PSTPIP2: variants seen among roughly 807,000 people sequenced by gnomAD.
PSTPIP2 encodes the protein proline-serine-threonine phosphatase-interacting protein 2.
Under a neutral mutation model 63.3 loss-of-function variants are expected in PSTPIP2, and 33 were observed. The ratio of observed to expected loss-of-function variants is 0.52; its 90% CI spans 0.40 to 0.70. PSTPIP2 has a LOEUF of 0.70. Among genes scored for constraint, PSTPIP2 ranks in the 30% least tolerant of loss-of-function variants. PSTPIP2 has a pLI of 0.00. For synonymous variants in PSTPIP2, 125 were observed against 132.7 expected (o/e 0.94, Z 0.40); for missense variants, 312 against 400.7 (o/e 0.78, Z 1.89).
chr18:46,065,862 A>T (rs1273397125), intron 1 of PSTPIP2, among the ~76,000 whole-genome samples: 5 of 151,392 alleles, frequency 3.3e-5, no homozygotes, highest in Non-Finnish European at 7.4e-5. Flanking sequence ...TTGGCCTCCC[A>T]AAGTGCTGGG....
intron 13 of PSTPIP2, among the ~76,000 whole-genome samples, chr18:45,988,960 C>CTTTGCCCT (rs1430936525): frequency 6.6e-6 from 1 of 152,230 alleles, no homozygotes; most frequent in Admixed American, 6.5e-5. Flanking sequence ...ATTCTGACTT[C>CTTTGCCCT]TTTGCCCTTT....
rs1452932372 is a variant in PSTPIP2 at position 46,072,221 on chromosome 18, G to A, written c.-33C>T. Reference sequence around the variant, plus strand: ...CGAGTGGGGGCGCGGAGGAGAGCCGGGCCGCAGGTAGCACAGAGCGGGGAG... The same window carrying A: ...CGAGTGGGGGCGCGGAGGAGAGCCGAGCCGCAGGTAGCACAGAGCGGGGAG... On this transcript the variant is annotated 5_prime_UTR_variant, in exon 1 of 15. Coordinates refer to ENST00000409746, the MANE Select transcript of PSTPIP2 (RefSeq NM_024430.4). The A allele has an allele frequency of 1.3e-6, 2 of 1,530,554 alleles. No individual in the cohort carries two copies. The highest frequency in any genetic ancestry group is 1.8e-6 in the Non-Finnish European group (2 of 1,138,788). The allele number at this position is 1,530,554 out of a possible 1,614,324, so 94.8% of individuals were successfully genotyped here.
chr18:46,054,141 A>G (rs1158587563), intron 1 of PSTPIP2, among the ~76,000 whole-genome samples: 2 of 152,186 alleles, frequency 1.3e-5, no homozygotes, highest in Non-Finnish European at 2.9e-5. Flanking sequence ...TCAAACAGAA[A>G]TGGTATAGTA....
chr18:46,037,688 C>G (rs900023304), intron 2 of PSTPIP2, among the ~76,000 whole-genome samples: 6 of 152,184 alleles, frequency 3.9e-5, no homozygotes, highest in African/African-American at 1.4e-4. Flanking sequence ...CAGCAGCTTC[C>G]TTCCTGCAAG....
chr18:46,063,529 C>T (rs553730709), intron 1 of PSTPIP2, among the ~76,000 whole-genome samples: 1 of 152,146 alleles, frequency 6.6e-6, no homozygotes, highest in African/African-American at 2.4e-5. Flanking sequence ...GAATCAAACC[C>T]GGGAATGTCC....
intron 9 of PSTPIP2, among the ~76,000 whole-genome samples, chr18:45,997,283 G>C (rs892319357): frequency 1.3e-5 from 2 of 152,096 alleles, no homozygotes; most frequent in African/African-American, 4.8e-5. Flanking sequence ...CCGCCTCCCA[G>C]GTTCAAGCTA....
chr18:45,989,311 C>G (rs1439133505), intron 13 of PSTPIP2, among the ~76,000 whole-genome samples: 1 of 152,148 alleles, frequency 6.6e-6, no homozygotes, highest in Non-Finnish European at 1.5e-5. Flanking sequence ...GCAGTTTCCC[C>G]CACAATGTTG....
intron 3 of PSTPIP2, among the ~76,000 whole-genome samples, chr18:46,018,770 A>G (rs992351356): frequency 6.6e-6 from 1 of 152,212 alleles, no homozygotes; most frequent in Non-Finnish European, 1.5e-5. Context: ...GCTTGAATCC[A>G]GAGAGCTAAG....
At chr18:45,985,519 G>A (rs796197200) in intron 14 of PSTPIP2, 69 bp from the exon 15 acceptor site, 2 of 1,529,760 alleles carry the variant, frequency 1.3e-6, no homozygotes, top group African/African-American at 2.8e-5. Context: ...CCTACCTTGA[G>A]AGTATATTCA....
chr18:45,985,050 T>G lies in PSTPIP2; in HGVS notation c.*409A>C, dbSNP rs1277692007. On this transcript the variant is annotated 3_prime_UTR_variant, in exon 15 of 15. Coordinates refer to ENST00000409746, the MANE Select transcript of PSTPIP2 (RefSeq NM_024430.4). ...AATCTTGCACCACTGAGGCTGTGTG[T>G]CGCCGTGGAAACTCCACAGCCAGGC... The G allele has an allele frequency of 3.7e-5, 8 of 215,154 alleles. No homozygotes were observed. In the East Asian group the frequency reaches 9.3e-4, roughly 25 times the overall value. The allele number at this position is 215,154 out of a possible 1,614,324, so 13.3% of individuals were successfully genotyped here. A position where few individuals can be genotyped will look rare whatever the true frequency, so the allele number is the denominator to read the frequency against.
In PSTPIP2 at chr18:45,991,948, T is replaced by G. The variant is rs1296817199; in HGVS notation, c.874A>C (p.Lys292Gln). Residue 292 changes from lysine (K) to glutamine (Q), a missense_variant, in exon 12 of 15, where the codon AAG becomes CAG. Lys to Gln is a moderately conservative substitution (Grantham distance 53). Transcript: ENST00000409746. ...GCCTTTCCTGCTGGGACTGCATTCT[T>G]CTGGGAGGAGTAGAAATTCTCATAC... ...IMYENFYSSQ[K>Q]NAVPAGKATG... 2.5e-6 allele frequency: 4 copies of G among 1,613,804 alleles called. No homozygotes were observed. Among genetic ancestry groups the G allele is most frequent in the Non-Finnish European group, 3.4e-6 (4 of 1,179,706 alleles).
At chr18:46,003,573 A>C (rs1046308574) in intron 6 of PSTPIP2, among the ~76,000 whole-genome samples, 2 of 150,962 alleles carry the variant, frequency 1.3e-5, no homozygotes, top group Non-Finnish European at 3.0e-5. Flanking sequence ...GGAGCTTTTT[A>C]TTTATTTTTT....
At chr18:46,040,157 C>T (rs1908139576) in intron 1 of PSTPIP2, 110 bp from the exon 2 acceptor site, 4 of 856,504 alleles carry the variant, frequency 4.7e-6, no homozygotes, top group Non-Finnish European at 7.1e-6. Context: ...GTTGCTGACT[C>T]ACTTTGAGAT....
Position 45,985,539 on chromosome 18 carries a change from AG to A in PSTPIP2, c.*9-90del, listed in dbSNP as rs2051458183. 1.3e-5 allele frequency: 18 copies of A among 1,415,500 alleles called. No individual in the cohort carries two copies. In the South Asian group the frequency reaches 2.0e-4, roughly 16 times the overall value. The allele number at this position is 1,415,500 out of a possible 1,614,324, so 87.7% of individuals were successfully genotyped here. A position where few individuals can be genotyped will look rare whatever the true frequency, so the allele number is the denominator to read the frequency against. The stretch of plus-strand genomic sequence containing the variant: ...CTTGAGAGTATATTCAACAAGAATA[AG>A]GGTGCAGGCCAAGGAAAACAAATGG... On this transcript the variant is annotated intron_variant, in intron 14 of 14. Transcript: ENST00000409746.
At chr18:46,001,296 G>A (rs540997328) in intron 6 of PSTPIP2, among the ~76,000 whole-genome samples, 1 of 152,290 alleles carries the variant, frequency 6.6e-6, no homozygotes, top group East Asian at 1.9e-4. Flanking sequence ...CCTAACTGGG[G>A]TGAGATGGTA....
intron 3 of PSTPIP2, 23 bp downstream of exon 3, chr18:46,024,586 C>G: frequency 5.0e-6 from 8 of 1,600,964 alleles, no homozygotes; most frequent in Non-Finnish European, 6.8e-6. Flanking sequence ...AACCTGGAAA[C>G]CAGAAAAAAA....
At chr18:46,026,530 C>A (rs1907586368) in intron 2 of PSTPIP2, among the ~76,000 whole-genome samples, 3 of 151,872 alleles carry the variant, frequency 2.0e-5, no homozygotes, top group Admixed American at 6.6e-5. Context: ...ATGATTTTAC[C>A]CAATTTATTA....
intron 2 of PSTPIP2, among the ~76,000 whole-genome samples, chr18:46,026,485 G>A (rs1435898134): frequency 6.6e-6 from 1 of 152,096 alleles, no homozygotes; most frequent in Non-Finnish European, 1.5e-5. Flanking sequence ...ATGTTACAAA[G>A]TTTCTCCCAT....
intron 5 of PSTPIP2, among the ~76,000 whole-genome samples, chr18:46,009,134 T>A (rs537425898): frequency 6.6e-6 from 1 of 152,202 alleles, no homozygotes; most frequent in East Asian, 1.9e-4. Context: ...TACGTCTTGG[T>A]CACCACCTTC....
Sources: gnomAD v4.1 joint callset for allele counts (sites outside exome capture counted in the v4.1 genomes callset) on GRCh38, gnomAD v4.1.1 for gene constraint, MANE v1.5 for transcripts, NCBI Gene and HGNC (gene_info 2026-07-23, HGNC 2026-07-21) for gene names.